Variants in EPB41L1 observed in about 807,000 individuals in gnomAD.
EPB41L1 encodes the protein erythrocyte membrane protein band 4.1 like 1, also known as band 4.1-like protein 1.
In EPB41L1, 29 loss-of-function variants were observed where a neutral mutation model predicts 97.8. That is an observed-to-expected ratio of 0.30 (90% CI 0.22 to 0.40). EPB41L1 has a LOEUF of 0.40. EPB41L1 is among the 10% of genes least tolerant of loss of function. EPB41L1 has a pLI of 1.00. For synonymous variants in EPB41L1, 383 were observed against 459.2 expected (o/e 0.83, Z 2.12); for missense variants, 812 against 1,162.3 (o/e 0.70, Z 4.38).
chr20:36,140,671 G>A (rs1256036703), intron 2 of EPB41L1, among the ~76,000 whole-genome samples: 1 of 152,152 alleles, frequency 6.6e-6, no homozygotes, highest in Non-Finnish European at 1.5e-5. Flanking sequence ...CTAGGATTTG[G>A]CTTCTTTTTT....
chr20:36,136,772 G>T (rs1340614607), intron 2 of EPB41L1, among the ~76,000 whole-genome samples: 12 of 150,320 alleles, frequency 8.0e-5, no homozygotes, highest in Non-Finnish European at 4.4e-5. Context: ...TTGTAAAAAT[G>T]GGGTTCTTCT....
At chr20:36,221,839 A>T (rs769526120) in intron 19 of EPB41L1, 25 bp from the exon 20 acceptor site, 1 of 1,611,516 alleles carries the variant, frequency 6.2e-7, no homozygotes, top group Non-Finnish European at 8.5e-7. Flanking sequence ...CCCAAGAGTG[A>T]CCTCACCTCC....
At chr20:36,101,887 C>T (rs1222865206) in intron 1 of EPB41L1, among the ~76,000 whole-genome samples, 1 of 151,990 alleles carries the variant, frequency 6.6e-6, no homozygotes. Context: ...CACCTGTAAT[C>T]CCAGCTACTA....
Position 36,212,171 on chromosome 20 carries a change from G to C in EPB41L1, c.2080-101G>C. 9.1e-7 allele frequency: 1 copy of C among 1,101,222 alleles called. No homozygotes were observed. Among genetic ancestry groups the C allele is most frequent in the Non-Finnish European group, 1.4e-6 (1 of 721,884 alleles). The allele number at this position is 1,101,222 out of a possible 1,614,324, so 68.2% of individuals were successfully genotyped here. On this transcript the variant is annotated intron_variant, in intron 15 of 21. Coordinates refer to ENST00000338074, the MANE Select transcript of EPB41L1 (RefSeq NM_012156.2). The surrounding 1 kb of genome is among the most constrained non-coding windows in gnomAD (Gnocchi z 4.8). ...CCCTTCCAGAGATGTGGCCAGCTGT[G>C]GGGATAGGAGATAGCCTGCAGACAC...
intron 1 of EPB41L1, among the ~76,000 whole-genome samples, chr20:36,162,275 A>G (rs978671146): frequency 1.1e-4 from 17 of 152,222 alleles, no homozygotes; most frequent in African/African-American, 4.1e-4. Context: ...AGATCCTTTA[A>G]GTTGTAAAGT....
chr20:36,132,444 A>G (rs1336392461), intron 2 of EPB41L1, among the ~76,000 whole-genome samples: 1 of 151,824 alleles, frequency 6.6e-6, no homozygotes, highest in Non-Finnish European at 1.5e-5. Context: ...GCCCATTCAG[A>G]TAATCTAGGA....
intron 2 of EPB41L1, among the ~76,000 whole-genome samples, chr20:36,120,270 C>G (rs1046786330): frequency 6.6e-6 from 1 of 152,144 alleles, no homozygotes; most frequent in Non-Finnish European, 1.5e-5. Context: ...AACTGAGGCA[C>G]GGAAAGGTGT....
chr20:36,143,376 G>A (rs1352987692), intron 2 of EPB41L1, among the ~76,000 whole-genome samples: 1 of 152,070 alleles, frequency 6.6e-6, no homozygotes, highest in African/African-American at 2.4e-5. Context: ...GGCAGAGAGA[G>A]TGGAATGGAG....
At position 36,156,508 on chromosome 20, in the gene EPB41L1, G is replaced by T. The variant is rs2060308597; in HGVS notation, c.-15+1612G>T. Among the ~76,000 whole-genome samples, 3 of 152,218 alleles carry T rather than the reference G, an allele frequency of 2.0e-5. No homozygotes were observed. In the South Asian group the frequency reaches 6.2e-4, roughly 31 times the overall value. ...GCCAAGGTCACAAAGCAGCTGAGCGGGGGAGTCAGCATTAATGTACCCAGG... is the reference window on the plus strand; with the variant it reads ...GCCAAGGTCACAAAGCAGCTGAGCGTGGGAGTCAGCATTAATGTACCCAGG... On this transcript the variant is annotated intron_variant, in intron 1 of 21. Transcript: ENST00000338074.
At chr20:36,124,400 C>A (rs981155048) in intron 2 of EPB41L1, among the ~76,000 whole-genome samples, 2 of 152,228 alleles carry the variant, frequency 1.3e-5, no homozygotes, top group African/African-American at 4.8e-5. Flanking sequence ...CTGCCTCCCC[C>A]TTCCAGCCAT....
rs77545213 is a variant in EPB41L1 at position 36,178,073 on chromosome 20, G to A, written c.447+17G>A. ...AGCCAGAAGGTACCTGGGCTAGGGA[G>A]CAGGGTGGGACCTGCTCTTCCGTTA... On this transcript the variant is annotated intron_variant, in intron 4 of 21. Coordinates refer to ENST00000338074, the MANE Select transcript of EPB41L1 (RefSeq NM_012156.2). 2,466 of 1,594,588 alleles carry A rather than the reference G, an allele frequency of 1.5e-3. 52 individuals carry two copies. In the African/African-American group the frequency reaches 0.028, roughly 18 times the overall value.
At chr20:36,198,800 C>T (rs922748451) in intron 14 of EPB41L1, among the ~76,000 whole-genome samples, 2 of 152,172 alleles carry the variant, frequency 1.3e-5, no homozygotes, top group Admixed American at 6.5e-5. Context: ...GTCTCAAATA[C>T]GGTTGTGGTG....
intron 2 of EPB41L1, among the ~76,000 whole-genome samples, chr20:36,131,316 G>A (rs2059200463): frequency 6.6e-6 from 1 of 152,022 alleles, no homozygotes; most frequent in African/African-American, 2.4e-5. Flanking sequence ...CACCATGTTG[G>A]CCAGGCTAGT....
intron 6 of EPB41L1, among the ~76,000 whole-genome samples, chr20:36,182,848 T>C (rs1321087538): frequency 1.3e-5 from 2 of 152,186 alleles, no homozygotes; most frequent in Admixed American, 6.5e-5. Flanking sequence ...ATTGGGAGTA[T>C]GGAGAGGGTA....
chr20:36,123,510 G>T (rs1360066701), intron 2 of EPB41L1, among the ~76,000 whole-genome samples: 1 of 152,112 alleles, frequency 6.6e-6, no homozygotes, highest in Non-Finnish European at 1.5e-5. Flanking sequence ...GCGCAATCTT[G>T]GCTCGCTGCA....
intron 16 of EPB41L1, among the ~76,000 whole-genome samples, chr20:36,213,178 G>A (rs1015033097): frequency 6.6e-6 from 1 of 152,108 alleles, no homozygotes; most frequent in Non-Finnish European, 1.5e-5. Context: ...CAGGCAGATC[G>A]CTTGAGCCCA....
chr20:36,147,761 CTCACTGCTCCCAGCCTCTG>C (rs1186494991), intron 2 of EPB41L1, among the ~76,000 whole-genome samples: 3 of 152,220 alleles, frequency 2.0e-5, no homozygotes, highest in Non-Finnish European at 4.4e-5. Context: ...CCTGTTGCCT[CTCACTGCTCCCAGCCTCTG>C]TATGATACTC....
intron 2 of EPB41L1, 88 bp downstream of exon 2, chr20:36,174,042 G>A (rs2061114763): frequency 1.4e-6 from 2 of 1,391,848 alleles, no homozygotes; most frequent in Non-Finnish European, 2.0e-6. Context: ...TTTCTGGAGG[G>A]AGGAAAGAAG....
intron 2 of EPB41L1, chr20:36,148,647 T>C (rs1697479146): frequency 6.6e-6 from 1 of 152,248 alleles, no homozygotes; most frequent in Admixed American, 6.5e-5. Flanking sequence ...CCTCTTACTG[T>C]GCTCTGTGGA....
Sources: allele counts gnomAD v4.1 joint callset (sites outside exome capture counted in the v4.1 genomes callset), GRCh38; gene constraint gnomAD v4.1.1; non-coding constraint Gnocchi (gnomAD v3.1); transcripts MANE v1.5; gene names NCBI Gene and HGNC (gene_info 2026-07-23, HGNC 2026-07-21).